Variants in ADGRB3 observed in about 807,000 individuals in gnomAD.
ADGRB3 encodes brain-specific angiogenesis inhibitor 3.
A neutral mutation model predicts 193.4 loss-of-function variants in ADGRB3; 37 were observed. That is an observed-to-expected ratio of 0.19 (90% CI 0.15 to 0.25). The LOEUF (loss-of-function observed/expected upper bound fraction) is 0.25. Ranked by LOEUF, ADGRB3 falls within the 10% of genes least tolerant of loss-of-function variation. The pLI is 1.00. For missense variants in ADGRB3, 1,637 were observed against 1,852.9 expected (o/e 0.88, Z 2.14); for synonymous variants, 690 against 644.2 (o/e 1.07, Z -1.08).
chr6:69,080,272 C>T (rs538628739), intron 17 of ADGRB3, among the ~76,000 whole-genome samples: 37 of 152,100 alleles, frequency 2.4e-4, no homozygotes, highest in Admixed American at 2.4e-3. Context: ...ATTAGGAAGA[C>T]ACAATATTAT....
At chr6:69,073,218 T>G (rs1377637170) in intron 16 of ADGRB3, among the ~76,000 whole-genome samples, 1 of 152,294 alleles carries the variant, frequency 6.6e-6, no homozygotes, top group African/African-American at 2.4e-5. Flanking sequence ...AGGAGCATAG[T>G]GTAGGGAGAT....
At chr6:68,657,794 CT>C (rs1768526298) in intron 3 of ADGRB3, among the ~76,000 whole-genome samples, 1 of 151,320 alleles carries the variant, frequency 6.6e-6, no homozygotes, top group African/African-American at 2.4e-5. Flanking sequence ...TAGATCTTTG[CT>C]TAATTCAGGT....
At chr6:68,658,440 T>C (rs1768542691) in intron 3 of ADGRB3, among the ~76,000 whole-genome samples, 1 of 151,212 alleles carries the variant, frequency 6.6e-6, no homozygotes, top group Admixed American at 6.6e-5. Context: ...TAATGTTTCT[T>C]CCACCTAGTG....
intron 17 of ADGRB3, among the ~76,000 whole-genome samples, chr6:69,121,493 A>G (rs1274145494): frequency 1.3e-5 from 2 of 149,842 alleles, no homozygotes; most frequent in East Asian, 4.0e-4. Flanking sequence ...CATCGTCATC[A>G]TGGCCCGTTC....
Position 68,975,229 on chromosome 6 carries a change from C to T in ADGRB3, c.1628-5C>T, listed in dbSNP as rs780665729. 2 of 1,612,442 alleles carry T rather than the reference C, an allele frequency of 1.2e-6. No homozygotes were observed. Among genetic ancestry groups the T allele is most frequent in the Non-Finnish European group, 1.7e-6 (2 of 1,178,616 alleles). ...AAGCTTCTCTCTGTTCTTTGTGACA[C>T]ACAGGCACCACTAGCAGACGCTGCT... On this transcript the variant is annotated splice_polypyrimidine_tract_variant and splice_region_variant and intron_variant, in intron 9 of 31. Coordinates refer to ENST00000370598, the MANE Select transcript of ADGRB3 (RefSeq NM_001704.3).
At chr6:69,068,762 G>A (rs550287) in intron 16 of ADGRB3, among the ~76,000 whole-genome samples, 145,789 of 152,246 alleles carry the variant, frequency 0.96, 70,087 homozygotes, top group East Asian at 1. Context: ...GCTACTAACT[G>A]TATAGCAGAA....
At chr6:69,382,152 T>C (rs563742658) in intron 30 of ADGRB3, among the ~76,000 whole-genome samples, 1 of 151,996 alleles carries the variant, frequency 6.6e-6, no homozygotes, top group South Asian at 2.1e-4. Context: ...TATTTGTATC[T>C]GTGATTTTAG....
At chr6:68,858,514 A>AC (rs1554207545) in intron 3 of ADGRB3, among the ~76,000 whole-genome samples, 32 of 141,844 alleles carry the variant, frequency 2.3e-4, no homozygotes, top group Middle Eastern at 7.7e-3. Flanking sequence ...AAAAAAAAAA[A>AC]CACCTGAGGT....
chr6:68,721,789 G>T (rs1274431934), intron 3 of ADGRB3, among the ~76,000 whole-genome samples: 2 of 150,840 alleles, frequency 1.3e-5, no homozygotes, highest in South Asian at 4.1e-4. Flanking sequence ...GCCCAACAAG[G>T]TGGCAATCCC....
intron 16 of ADGRB3, among the ~76,000 whole-genome samples, chr6:69,071,735 T>A (rs973555740): frequency 6.6e-6 from 1 of 152,196 alleles, no homozygotes; most frequent in Non-Finnish European, 1.5e-5. Flanking sequence ...TATTGATAGT[T>A]TGGTAAATTA....
chr6:68,810,167 G>A (rs756263420), intron 3 of ADGRB3, among the ~76,000 whole-genome samples: 1 of 152,126 alleles, frequency 6.6e-6, no homozygotes, highest in Non-Finnish European at 1.5e-5. Context: ...CAGTTGATAA[G>A]TGATCAACAG....
At chr6:69,226,481 T>C (rs1766018240) in intron 17 of ADGRB3, among the ~76,000 whole-genome samples, 1 of 152,154 alleles carries the variant, frequency 6.6e-6, no homozygotes, top group Admixed American at 6.5e-5. Context: ...ATATGTACAT[T>C]CTAGTGAGCA....
intron 17 of ADGRB3, among the ~76,000 whole-genome samples, chr6:69,220,340 A>T (rs1302469502): frequency 6.6e-6 from 1 of 152,162 alleles, no homozygotes; most frequent in Non-Finnish European, 1.5e-5. Context: ...AATAGCAGTT[A>T]GCTACTGTAC....
At chr6:68,872,170 G>T (rs567988910) in intron 3 of ADGRB3, among the ~76,000 whole-genome samples, 4 of 152,210 alleles carry the variant, frequency 2.6e-5, no homozygotes, top group East Asian at 1.9e-4. Context: ...TATTGTACAG[G>T]CAATGTTTAC....
At chr6:68,710,579 C>A (rs775777049) in intron 3 of ADGRB3, among the ~76,000 whole-genome samples, 5 of 152,108 alleles carry the variant, frequency 3.3e-5, no homozygotes, top group Non-Finnish European at 5.9e-5. Context: ...AAGACAGACC[C>A]TTCTCTCCTC....
intron 17 of ADGRB3, among the ~76,000 whole-genome samples, chr6:69,076,960 G>A (rs1311717705): frequency 6.6e-6 from 1 of 151,958 alleles, no homozygotes; most frequent in Non-Finnish European, 1.5e-5. Flanking sequence ...TAGAAGAGGA[G>A]CATTTTTAGA....
At chr6:69,303,678 A>AT (rs1156430052) in intron 20 of ADGRB3, among the ~76,000 whole-genome samples, 3 of 151,816 alleles carry the variant, frequency 2.0e-5, no homozygotes, top group East Asian at 1.9e-4. Context: ...TAAAAAAAAA[A>AT]TTTTTTGCTC....
chr6:69,076,129 A>G (rs1772222868), intron 17 of ADGRB3, 91 bp downstream of exon 17: 9 of 1,106,570 alleles, frequency 8.1e-6, no homozygotes, highest in African/African-American at 1.6e-5. Context: ...ACAGGAATAT[A>G]AGTCAGTGGG....
At chr6:69,297,364 CTCTT>C (rs1451463633) in intron 20 of ADGRB3, among the ~76,000 whole-genome samples, 4 of 121,886 alleles carry the variant, frequency 3.3e-5, no homozygotes, top group African/African-American at 1.1e-4. Context: ...CTCTCTCTCT[CTCTT>C]TCTCTCTCTC....
Sources: allele counts gnomAD v4.1 joint callset (sites outside exome capture counted in the v4.1 genomes callset), GRCh38; gene constraint gnomAD v4.1.1; transcripts MANE v1.5; gene names NCBI Gene and HGNC (gene_info 2026-07-23, HGNC 2026-07-21).